Variants in SAMD8 observed in about 807,000 individuals in gnomAD.
SAMD8 encodes sterile alpha motif domain containing 8.
Under a neutral mutation model 42.0 loss-of-function variants are expected in SAMD8, and 20 were observed. The ratio of observed to expected loss-of-function variants is 0.48; its 90% confidence interval spans 0.34 to 0.69. The LOEUF (loss-of-function observed/expected upper bound fraction) is 0.69. Ranked by LOEUF, SAMD8 falls within the 30% of genes least tolerant of loss-of-function variation. The pLI is 0.01. For synonymous variants in SAMD8, 162 were observed against 173.0 expected, an observed-to-expected ratio of 0.94 and a Z score of 0.50; for missense variants, 328 against 511.6, an observed-to-expected ratio of 0.64 and a Z score of 3.46.
At chr10:75,144,185 G>A (rs571109453) in intron 1 of SAMD8, among the ~76,000 whole-genome samples, 3 of 116,284 alleles carry the variant, frequency 2.6e-5, no homozygotes, top group Admixed American at 9.4e-5. Context: ...AGCCAGGATG[G>A]TCTCCATCTC....
At position 75,174,738 on chromosome 10, in the gene SAMD8, C is replaced by CT. The variant is rs928634732; in HGVS notation, c.793-1317dup. ...GTGAGCCACCGCACCCTGCAGTATGCTTTTTTTTTTTAAGTGACTGTCCCT... is the reference window on the plus strand; with the variant it reads ...GTGAGCCACCGCACCCTGCAGTATGCTTTTTTTTTTTTAAGTGACTGTCCCT... On this transcript the variant is annotated intron_variant, in intron 4 of 5. Coordinates refer to ENST00000542569, the MANE Select transcript of SAMD8 (RefSeq NM_001174156.2). Among the ~76,000 whole-genome samples the CT allele has an allele frequency of 9.1e-3, 1,325 of 145,896 alleles. 16 individuals carry two copies. The highest frequency in any genetic ancestry group is 0.028 in the African/African-American group (1,105 of 40,090).
intron 1 of SAMD8, among the ~76,000 whole-genome samples, chr10:75,111,936 A>G (rs1290711189): frequency 2.0e-5 from 3 of 152,134 alleles, no homozygotes; most frequent in East Asian, 3.9e-4. Context: ...CTGAGGGATA[A>G]GTGGAGGCCG....
intron 1 of SAMD8, among the ~76,000 whole-genome samples, chr10:75,134,638 C>A (rs1022088601): frequency 1.3e-4 from 19 of 151,070 alleles, no homozygotes; most frequent in East Asian, 3.9e-4. Context: ...TTCCCCCCCC[C>A]AAAAAAAAGA....
intron 1 of SAMD8, among the ~76,000 whole-genome samples, chr10:75,138,963 T>C (rs562596948): frequency 3.9e-4 from 38 of 96,216 alleles, no homozygotes; most frequent in African/African-American, 1.7e-3. Flanking sequence ...TTTTTCTTTT[T>C]TTTTTTTTTT....
chr10:75,103,831 G>T (rs1848325806), intron 1 of SAMD8: 2 of 1,218,704 alleles, frequency 1.6e-6, no homozygotes, highest in Non-Finnish European at 2.1e-6. Context: ...CACTTTCCCA[G>T]GGAACTTGGG....
At chr10:75,160,875 C>T (rs1589969645) in intron 2 of SAMD8, among the ~76,000 whole-genome samples, 1 of 152,066 alleles carries the variant, frequency 6.6e-6, no homozygotes, top group Admixed American at 6.5e-5. Context: ...CTTCTTAAGC[C>T]TGGGCAACAT....
At chr10:75,110,203 TG>T (rs1331780091), upstream of SAMD8, among the ~76,000 whole-genome samples, 5 of 152,132 alleles carry the variant, frequency 3.3e-5, no homozygotes, top group Admixed American at 2.0e-4. Context: ...GTATGTCAAA[TG>T]GGGAGACGGG....
At chr10:75,123,278 C>T (rs1187753153) in intron 1 of SAMD8, among the ~76,000 whole-genome samples, 2 of 151,356 alleles carry the variant, frequency 1.3e-5, no homozygotes, top group East Asian at 3.9e-4. Context: ...TCCGATATAC[C>T]ACTGAGTGGT....
At chr10:75,169,671 T>C (rs978296350) in intron 4 of SAMD8, among the ~76,000 whole-genome samples, 2 of 152,192 alleles carry the variant, frequency 1.3e-5, no homozygotes, top group African/African-American at 4.8e-5. Flanking sequence ...CCCAGCACTT[T>C]GGGAGGCCAA....
intron 1 of SAMD8, among the ~76,000 whole-genome samples, chr10:75,112,218 C>T (rs957908558): frequency 4.6e-5 from 7 of 152,124 alleles, no homozygotes; most frequent in African/African-American, 1.4e-4. Context: ...TATCCGCCTC[C>T]CACCCCGGGT....
At chr10:75,105,253 T>C (rs1848422628) in intron 1 of SAMD8, among the ~76,000 whole-genome samples, 1 of 152,198 alleles carries the variant, frequency 6.6e-6, no homozygotes, top group African/African-American at 2.4e-5. Context: ...GCTGTGCAGA[T>C]GCCTCAGTGA....
chr10:75,149,100 A>G (rs909597648), intron 1 of SAMD8, among the ~76,000 whole-genome samples: 1 of 152,174 alleles, frequency 6.6e-6, no homozygotes, highest in African/African-American at 2.4e-5. Context: ...AAATTATCTC[A>G]GGTGGAAATA....
intron 2 of SAMD8, among the ~76,000 whole-genome samples, chr10:75,158,728 C>T (rs1318318670): frequency 6.6e-6 from 1 of 152,156 alleles, no homozygotes; most frequent in Non-Finnish European, 1.5e-5. Context: ...ATACTCTATT[C>T]CTTCCTTTCT....
intron 1 of SAMD8, chr10:75,125,967 C>T (rs1406220949): frequency 6.6e-6 from 1 of 152,210 alleles, no homozygotes; most frequent in Non-Finnish European, 1.5e-5. Flanking sequence ...TTTTCATCAT[C>T]TGGCCCCAGT....
At chr10:75,123,054 G>A (rs1053252845) in intron 1 of SAMD8, among the ~76,000 whole-genome samples, 3 of 152,102 alleles carry the variant, frequency 2.0e-5, no homozygotes, top group Middle Eastern at 3.2e-3. Flanking sequence ...AGGGATATTG[G>A]CCCTTCTACA....
chr10:75,101,113 G>A (rs1848131127), intron 1 of SAMD8, among the ~76,000 whole-genome samples: 2 of 152,208 alleles, frequency 1.3e-5, no homozygotes, highest in Non-Finnish European at 2.9e-5. Context: ...CAGAAGGGTG[G>A]CGTGTGGCTG....
At chr10:75,131,736 T>C (rs1849277718) in intron 1 of SAMD8, among the ~76,000 whole-genome samples, 1 of 152,184 alleles carries the variant, frequency 6.6e-6, no homozygotes, top group Non-Finnish European at 1.5e-5. Context: ...ATCCTTTAGC[T>C]CCAAGGAAAA....
chr10:75,110,077 A>G (rs1367122628), upstream of SAMD8, among the ~76,000 whole-genome samples: 3 of 152,206 alleles, frequency 2.0e-5, no homozygotes, highest in African/African-American at 7.2e-5. Context: ...TCGGCCTCCC[A>G]AAGTACTGGG....
chr10:75,130,522 A>G (rs1010470328), intron 1 of SAMD8, among the ~76,000 whole-genome samples: 1 of 151,950 alleles, frequency 6.6e-6, no homozygotes, highest in African/African-American at 2.4e-5. Context: ...CAAAAAAAAC[A>G]CTATGATCAT....
Sources: allele counts gnomAD v4.1 joint callset (sites outside exome capture counted in the v4.1 genomes callset), GRCh38; gene constraint gnomAD v4.1.1; transcripts MANE v1.5; gene names NCBI Gene and HGNC (gene_info 2026-07-23, HGNC 2026-07-21).